The following AK9 variants were observed in gnomAD, a reference collection of about 807,000 sequenced individuals.
AK9 encodes adenylate kinase domain containing 1.
A neutral mutation model predicts 239.6 loss-of-function variants in AK9; 191 were observed. The observed-to-expected ratio is 0.80, with a 90% CI of 0.71 to 0.90. The LOEUF (loss-of-function observed/expected upper bound fraction) is 0.90. AK9 is among the 40% of genes least tolerant of loss of function. The pLI, the probability that AK9 is intolerant of heterozygous loss-of-function variation, is 0.00. For missense variants in AK9, 1,995 were observed against 2,214.7 expected, an observed-to-expected ratio of 0.90 and a Z score of 1.99; for synonymous variants, 689 against 721.0, an observed-to-expected ratio of 0.96 and a Z score of 0.71.
chr6:109,601,374 T>C (rs1178626619), intron 17 of AK9, among the ~76,000 whole-genome samples: 2 of 152,220 alleles, frequency 1.3e-5, no homozygotes, highest in Non-Finnish European at 2.9e-5. Flanking sequence ...AGTTTCGATG[T>C]AGTTGAGCAG....
intron 26 of AK9, among the ~76,000 whole-genome samples, chr6:109,542,425 G>C (rs9400291): frequency 2.6e-5 from 4 of 151,906 alleles, no homozygotes; most frequent in Admixed American, 2.6e-4. Flanking sequence ...ACTATAGTTA[G>C]TAACAATGTA....
Position 109,619,226 on chromosome 6 carries a change from T to C in AK9, c.1265A>G (p.Tyr422Cys), listed in dbSNP as rs181600843. ...AENYKGKVVD[Y>C]AQLVQPRFDK... ...AAAACGTGGCTGAACAAGTTGGGCA[T>C]AGTCGACTACCTGCAAAGAATATTT... The change falls in exon 13 of 41, where the codon TAT (tyrosine) becomes TGT (cysteine). Residue 422 changes from tyrosine to cysteine, a missense_variant. By Grantham distance (194) the Tyr-to-Cys change is radical. Transcript: ENST00000424296. The C allele has an allele frequency of 6.5e-6, 10 of 1,545,264 alleles. No homozygotes were observed. Among genetic ancestry groups the C allele is most frequent in the Admixed American group, 2.0e-5 (1 of 49,394 alleles).
chr6:109,518,179 G>A (rs1779460194), intron 29 of AK9, among the ~76,000 whole-genome samples: 1 of 152,124 alleles, frequency 6.6e-6, no homozygotes, highest in African/African-American at 2.4e-5. Flanking sequence ...TGTGAGGGCA[G>A]GGAGGAAGAT....
intron 24 of AK9, among the ~76,000 whole-genome samples, chr6:109,560,240 T>C (rs935241941): frequency 3.9e-5 from 6 of 152,362 alleles, no homozygotes; most frequent in Admixed American, 6.5e-5. Context: ...TAGTTGCATC[T>C]TTCTTTTTCA....
At chr6:109,536,038 G>A (rs1299692718) in intron 27 of AK9, among the ~76,000 whole-genome samples, 5 of 152,148 alleles carry the variant, frequency 3.3e-5, no homozygotes, top group African/African-American at 1.2e-4. Flanking sequence ...GTCAGGTAGC[G>A]TGATGCCTCC....
intron 17 of AK9, among the ~76,000 whole-genome samples, chr6:109,600,824 T>G (rs941057291): frequency 1.1e-4 from 17 of 152,202 alleles, no homozygotes; most frequent in Middle Eastern, 3.4e-3. Context: ...TATGTGTCCA[T>G]GAATTTATCC....
At chr6:109,505,685 C>T (rs1489104300) in intron 35 of AK9, among the ~76,000 whole-genome samples, 1 of 152,146 alleles carries the variant, frequency 6.6e-6, no homozygotes, top group African/African-American at 2.4e-5. Flanking sequence ...ATTCCAAACA[C>T]TATATACCCT....
At position 109,516,520 on chromosome 6, in the gene AK9, A is replaced by ATCTTCCTCGCCACTCATC. The variant is rs1562339525; in HGVS notation, c.3738_3755dup (p.Glu1246_Glu1251dup). On this transcript the variant is annotated inframe_insertion, in exon 30 of 41. Transcript: ENST00000424296. Reference sequence around the variant, plus strand: ...CAATTGCATCAGTTTCCTGTTCTTCATCTTCCTCGCCACTCATCTCTTCCT... The same window carrying ATCTTCCTCGCCACTCATC: ...CAATTGCATCAGTTTCCTGTTCTTCATCTTCCTCGCCACTCATCTCTTCCTCGCCACTCATCTCTTCCT... 1.9e-6 allele frequency: 3 copies of ATCTTCCTCGCCACTCATC among 1,551,702 alleles called. No homozygotes were observed. In the Admixed American group the frequency reaches 5.9e-5, roughly 30 times the overall value.
At chr6:109,545,548 G>A (rs1783438516) in intron 26 of AK9, among the ~76,000 whole-genome samples, 3 of 152,288 alleles carry the variant, frequency 2.0e-5, no homozygotes, top group Admixed American at 6.5e-5. Context: ...TGCCATCCAC[G>A]TAAGATGTGA....
intron 36 of AK9, 145 bp from the exon 37 acceptor site, chr6:109,498,110 A>C (rs1209219232): frequency 1.4e-6 from 1 of 720,566 alleles, no homozygotes; most frequent in Admixed American, 2.8e-5. Flanking sequence ...CTCTCCTCTG[A>C]AAGGAAGTTC....
chr6:109,528,214 G>A (rs899800643), intron 29 of AK9: 3 of 324,224 alleles, frequency 9.3e-6, no homozygotes, highest in East Asian at 8.4e-5. Context: ...ACTCCCAAGG[G>A]CTTAAAGTAG....
At chr6:109,619,828 T>G (rs945175450) in intron 12 of AK9, among the ~76,000 whole-genome samples, 1 of 152,036 alleles carries the variant, frequency 6.6e-6, no homozygotes, top group Non-Finnish European at 1.5e-5. Context: ...TTCCCCAGCT[T>G]TCATTCCTGG....
chr6:109,667,686 A>G (rs1179840540), intron 5 of AK9, among the ~76,000 whole-genome samples: 4 of 152,172 alleles, frequency 2.6e-5, no homozygotes, highest in Non-Finnish European at 5.9e-5. Context: ...GTTTGCTGAG[A>G]ATGATGGTTT....
intron 1 of AK9, among the ~76,000 whole-genome samples, chr6:109,678,030 A>T (rs1422717638): frequency 6.6e-6 from 1 of 152,208 alleles, no homozygotes; most frequent in Admixed American, 6.6e-5. Flanking sequence ...TAAACATGCA[A>T]CTACATATGA....
intron 5 of AK9, among the ~76,000 whole-genome samples, chr6:109,668,246 T>G (rs1363212746): frequency 3.4e-5 from 5 of 148,476 alleles, no homozygotes; most frequent in South Asian, 2.1e-4. Flanking sequence ...TTTGATGGGG[T>G]TTTTTTTTTC....
chr6:109,516,741 G>C, intron 29 of AK9, 99 bp from the exon 30 acceptor site: 1 of 1,032,558 alleles, frequency 9.7e-7, no homozygotes. Flanking sequence ...GCTCGATATT[G>C]GTTGGTATTG....
At chr6:109,625,046 TTTTCTG>T (rs1795352117) in intron 12 of AK9, among the ~76,000 whole-genome samples, 2 of 152,280 alleles carry the variant, frequency 1.3e-5, no homozygotes, top group Non-Finnish European at 2.9e-5. Flanking sequence ...AAATGTTCCC[TTTTCTG>T]TTTCTAATAT....
chr6:109,504,364 A>G (rs1243321238), intron 35 of AK9, among the ~76,000 whole-genome samples: 3 of 152,148 alleles, frequency 2.0e-5, no homozygotes, highest in African/African-American at 7.2e-5. Flanking sequence ...CCCCTGTCTC[A>G]AAAAATAAAA....
Position 109,675,682 on chromosome 6 carries a change from C to T in AK9, c.64G>A (p.Glu22Lys), listed in dbSNP as rs751637933. 9 of 1,598,290 alleles carry T rather than the reference C, an allele frequency of 5.6e-6. No individual in the cohort carries two copies. In the African/African-American group the frequency reaches 1.2e-4, roughly 22 times the overall value. ...GGTTTGGACAACAAAAAATTCCTTT[C>T]AGTTTCATCTTCATCAAATATATCT... ...FADIFDEDET[E>K]RNFLLSKPVC... Residue 22 changes from glutamate to lysine, a missense_variant, in exon 2 of 41, where the codon GAA becomes AAA. Glu to Lys is a moderately conservative substitution (Grantham distance 56). Coordinates refer to ENST00000424296, the MANE Select transcript of AK9 (RefSeq NM_001145128.3).
Sources: allele counts gnomAD v4.1 joint callset (sites outside exome capture counted in the v4.1 genomes callset), GRCh38; gene constraint gnomAD v4.1.1; transcripts MANE v1.5; gene names NCBI Gene and HGNC (gene_info 2026-07-23, HGNC 2026-07-21).